The following CPM variants were observed in gnomAD, a reference collection of about 807,000 sequenced individuals.
The protein encoded by CPM is carboxypeptidase M, also known as renal carboxypeptidase.
A neutral mutation model predicts 46.4 loss-of-function variants in CPM; 35 were observed. The observed-to-expected ratio is 0.75, with a 90% CI of 0.58 to 1.00. The LOEUF is 1.00. Among genes scored for constraint, CPM ranks in the 50% least tolerant of loss-of-function variants. The probability of loss-of-function intolerance (pLI) is 0.00; values close to 1 mark genes in which losing one functional copy is unlikely to be tolerated. For synonymous variants in CPM, 195 were observed against 195.3 expected (o/e 1.00, Z 0.01); for missense variants, 422 against 530.4 (o/e 0.80, Z 2.01).
chr12:68,873,941 G>GTA (rs1307181864), intron 3 of CPM, among the ~76,000 whole-genome samples: 6 of 151,942 alleles, frequency 3.9e-5, no homozygotes, highest in African/African-American at 1.2e-4. Context: ...AAGTAGCTGA[G>GTA]ATTACAGGTG....
intron 2 of CPM, among the ~76,000 whole-genome samples, chr12:68,918,019 G>A (rs1040975887): frequency 6.6e-6 from 1 of 152,164 alleles, no homozygotes; most frequent in Admixed American, 6.5e-5. Flanking sequence ...ACCCTTTGCT[G>A]TAATAAATCT....
chr12:68,928,755 T>TG (rs1888375714), intron 2 of CPM, among the ~76,000 whole-genome samples: 1 of 151,856 alleles, frequency 6.6e-6, no homozygotes, highest in South Asian at 2.1e-4. Flanking sequence ...TTTTTTTTTT[T>TG]TTGAGACAGG....
chr12:68,950,077 G>C (rs1888910634), intron 1 of CPM, among the ~76,000 whole-genome samples: 1 of 152,164 alleles, frequency 6.6e-6, no homozygotes, highest in Non-Finnish European at 1.5e-5. Flanking sequence ...CCTGGAGTGA[G>C]GGGGCAGACA....
chr12:68,844,653 AAAAC>A (rs1178328767), intron 5 of CPM: 1 of 225,360 alleles, frequency 4.4e-6, no homozygotes, highest in Non-Finnish European at 8.8e-6. Context: ...ACATCAGAAA[AAAAC>A]AAAAAAACTG....
intron 2 of CPM, among the ~76,000 whole-genome samples, chr12:68,895,280 A>G (rs1350819213): frequency 6.6e-6 from 1 of 152,036 alleles, no homozygotes; most frequent in Non-Finnish European, 1.5e-5. Context: ...AGAAATGGTA[A>G]TGTACCACTT....
intron 2 of CPM, among the ~76,000 whole-genome samples, chr12:68,902,043 A>G (rs960484199): frequency 3.3e-5 from 5 of 152,212 alleles, no homozygotes; most frequent in African/African-American, 1.2e-4. Flanking sequence ...GAATCCTTTC[A>G]ATTTATCCTT....
chr12:68,958,914 C>T (rs1404117755), intron 1 of CPM, among the ~76,000 whole-genome samples: 1 of 152,158 alleles, frequency 6.6e-6, no homozygotes, highest in Non-Finnish European at 1.5e-5. Flanking sequence ...ACAAGCTCTG[C>T]CCTGTGCCAG....
At chr12:68,932,879 T>C in intron 1 of CPM, 39 bp from the exon 2 acceptor site, 2 of 1,595,852 alleles carry the variant, frequency 1.3e-6, no homozygotes, top group South Asian at 2.2e-5. Flanking sequence ...TGAGAACACA[T>C]GAGGGCAGGC....
downstream of CPM, chr12:68,847,436 C>A (rs1343607808): frequency 7.3e-6 from 1 of 136,304 alleles, no homozygotes; most frequent in Non-Finnish European, 1.5e-5. Context: ...TTGTAACATC[C>A]TTTTGTATCT....
chr12:68,873,160 A>C lies in CPM; in HGVS notation c.259-1204T>G, dbSNP rs1457750987. ...AGGGGCAGCAGGTGAGAAAATCAGGAGAGTGCTGCAGGCACATTCATGTAG... is the reference window on the plus strand; with the variant it reads ...AGGGGCAGCAGGTGAGAAAATCAGGCGAGTGCTGCAGGCACATTCATGTAG... On this transcript the variant is annotated intron_variant, in intron 3 of 8. Transcript: ENST00000551568. Among the ~76,000 whole-genome samples, 5 of 152,326 alleles carry C rather than the reference A, an allele frequency of 3.3e-5. No individual in the cohort carries two copies. The East Asian group carries it at 9.6e-4, about 29-fold the overall frequency.
chr12:68,916,568 A>C (rs920021894), intron 2 of CPM, among the ~76,000 whole-genome samples: 1 of 152,180 alleles, frequency 6.6e-6, no homozygotes, highest in African/African-American at 2.4e-5. Context: ...TTTTTGTCCC[A>C]GAAATGACTG....
Position 68,931,763 on chromosome 12 carries a change from A to AAAAAAAG in CPM, c.160+914_160+915insCTTTTTT, listed in dbSNP as rs1482981614. Among the ~76,000 whole-genome samples the AAAAAAAG allele has an allele frequency of 4.1e-3, 549 of 132,426 alleles. 3 individuals are homozygous for AAAAAAAG. Among genetic ancestry groups the AAAAAAAG allele is most frequent in the African/African-American group, 0.015 (481 of 32,610 alleles). 86.9% of individuals were successfully genotyped at this position (132,426 alleles called of 152,430 possible). A position where few individuals can be genotyped will look rare whatever the true frequency, so the allele number is the denominator to read the frequency against. On this transcript the variant is annotated intron_variant, in intron 2 of 8. Transcript: ENST00000551568. ...TCTGACCAAAAAAAAAAAAAAAAAA[A>AAAAAAAG]AAAGAAAGAAAGAAAGAAAGAAAGA...
chr12:68,916,860 C>G (rs1395579491), intron 2 of CPM, among the ~76,000 whole-genome samples: 1 of 144,720 alleles, frequency 6.9e-6, no homozygotes, highest in Admixed American at 7.1e-5. Flanking sequence ...TGCACTCCAG[C>G]CTGGGTGACA....
intron 1 of CPM, among the ~76,000 whole-genome samples, chr12:68,948,069 A>G (rs1194267116): frequency 2.0e-5 from 3 of 152,158 alleles, no homozygotes; most frequent in Non-Finnish European, 4.4e-5. Flanking sequence ...TCTAACTCCT[A>G]TTGGGAATGA....
At chr12:68,859,541 T>C (rs927220698) in intron 7 of CPM, among the ~76,000 whole-genome samples, 4 of 152,246 alleles carry the variant, frequency 2.6e-5, no homozygotes, top group Non-Finnish European at 5.9e-5. Context: ...ATCACAAGGC[T>C]TCTTGGAAGC....
chr12:68,954,003 T>A (rs1888975301), intron 1 of CPM, among the ~76,000 whole-genome samples: 1 of 152,216 alleles, frequency 6.6e-6, no homozygotes, highest in Non-Finnish European at 1.5e-5. Context: ...TCTATTTTTG[T>A]TAGGCTTTTT....
At chr12:68,931,454 T>C (rs1021411101) in intron 2 of CPM, among the ~76,000 whole-genome samples, 1 of 151,888 alleles carries the variant, frequency 6.6e-6, no homozygotes, top group Non-Finnish European at 1.5e-5. Flanking sequence ...TAAGTAATAA[T>C]GGTATCTCGG....
At chr12:68,954,491 T>A (rs990162240) in intron 1 of CPM, among the ~76,000 whole-genome samples, 2 of 152,164 alleles carry the variant, frequency 1.3e-5, no homozygotes, top group African/African-American at 4.8e-5. Context: ...TCTCTCAGGC[T>A]CCTTTGCTGA....
intron 7 of CPM, among the ~76,000 whole-genome samples, chr12:68,866,153 A>G (rs1885432804): frequency 1.3e-5 from 2 of 152,184 alleles, no homozygotes; most frequent in South Asian, 4.1e-4. Flanking sequence ...TCTGGAAAAA[A>G]TGCAAAGTGG....
Sources: gnomAD v4.1 joint callset for allele counts (sites outside exome capture counted in the v4.1 genomes callset) on GRCh38, gnomAD v4.1.1 for gene constraint, MANE v1.5 for transcripts, NCBI Gene and HGNC (gene_info 2026-07-23, HGNC 2026-07-21) for gene names.